The following NRXN1 variants were observed in gnomAD, a reference collection of about 807,000 sequenced individuals.
NRXN1 encodes the protein neurexin 1, also known as neurexin-1.
Under a neutral mutation model 150.9 loss-of-function variants are expected in NRXN1, and 39 were observed. The observed-to-expected ratio is 0.26, with a 90% CI of 0.20 to 0.34. The LOEUF is 0.34. Among genes scored for constraint, NRXN1 ranks in the 10% least tolerant of loss-of-function variants. The pLI is 1.00. For missense variants in NRXN1, 1,815 were observed against 1,949.9 expected (o/e 0.93, Z 1.30); for synonymous variants, 924 against 757.0 (o/e 1.22, Z -3.62).
At chr2:50,296,518 C>CTAT (rs70946899) in intron 17 of NRXN1, among the ~76,000 whole-genome samples, 13 of 147,954 alleles carry the variant, frequency 8.8e-5, no homozygotes, top group African/African-American at 2.0e-4. Context: ...TGCTTAGCTT[C>CTAT]TATTATTATT....
chr2:50,969,779 A>G (rs1694722887), intron 2 of NRXN1, among the ~76,000 whole-genome samples: 1 of 152,190 alleles, frequency 6.6e-6, no homozygotes, highest in Non-Finnish European at 1.5e-5. Flanking sequence ...GAACCTCAGA[A>G]GGTTTGCTGA....
intron 17 of NRXN1, among the ~76,000 whole-genome samples, chr2:50,378,325 C>A (rs1488531546): frequency 1.3e-5 from 2 of 152,126 alleles, no homozygotes; most frequent in African/African-American, 4.8e-5. Context: ...ATGGGGTTAT[C>A]TCCTGATAAA....
In NRXN1 at chr2:50,489,862, T is replaced by C. The variant is rs149320113; in HGVS notation, c.3070+6043A>G. Reference sequence around the variant, plus strand: ...CAGAGGGAAGAACTCCCAAACCAAATGTTGGATAGCAGGTCCCAGATAACT... The same window carrying C: ...CAGAGGGAAGAACTCCCAAACCAAACGTTGGATAGCAGGTCCCAGATAACT... On this transcript the variant is annotated intron_variant, in intron 15 of 22. Transcript: ENST00000401669. Among the ~76,000 whole-genome samples, 509 of 147,102 alleles carry C rather than the reference T, an allele frequency of 3.5e-3. 1 individual carries two copies. The highest frequency in any genetic ancestry group is 0.013 in the African/African-American group (492 of 36,700).
At chr2:50,391,421 T>C (rs889524878) in intron 17 of NRXN1, among the ~76,000 whole-genome samples, 4 of 152,152 alleles carry the variant, frequency 2.6e-5, no homozygotes, top group Non-Finnish European at 4.4e-5. Flanking sequence ...AACCTAATTA[T>C]AGTGCTTTAA....
intron 2 of NRXN1, among the ~76,000 whole-genome samples, chr2:50,969,445 T>A (rs536422282): frequency 1.3e-5 from 2 of 152,258 alleles, no homozygotes; most frequent in Middle Eastern, 3.4e-3. Context: ...ATAAACTCTC[T>A]TGATGAATTT....
At chr2:50,043,448 C>T (rs968057738) in intron 21 of NRXN1, among the ~76,000 whole-genome samples, 13 of 152,090 alleles carry the variant, frequency 8.5e-5, no homozygotes, top group Admixed American at 1.3e-4. Flanking sequence ...GGTAATGTCA[C>T]CACAGAATTT....
At chr2:50,892,009 A>G (rs895351757) in intron 5 of NRXN1, among the ~76,000 whole-genome samples, 1 of 152,154 alleles carries the variant, frequency 6.6e-6, no homozygotes, top group African/African-American at 2.4e-5. Flanking sequence ...ATCAGGATAC[A>G]CAAACTTACA....
intron 21 of NRXN1, chr2:50,023,348 T>A (rs903768573): frequency 6.6e-6 from 1 of 152,142 alleles, no homozygotes. Flanking sequence ...CTGTAAGATA[T>A]AAAGAAACAC....
At chr2:50,007,993 T>C (rs1685050784) in intron 21 of NRXN1, among the ~76,000 whole-genome samples, 1 of 152,178 alleles carries the variant, frequency 6.6e-6, no homozygotes. Flanking sequence ...CCTGGCTTTG[T>C]TATGAAATTT....
At chr2:50,244,986 A>C (rs867044543) in intron 17 of NRXN1, among the ~76,000 whole-genome samples, 25 of 151,952 alleles carry the variant, frequency 1.6e-4, no homozygotes, top group African/African-American at 5.3e-4. Context: ...AAGTCATGTA[A>C]ATAGTTGAGT....
intron 18 of NRXN1, among the ~76,000 whole-genome samples, chr2:50,131,594 G>A (rs183214675): frequency 4.6e-5 from 7 of 152,260 alleles, no homozygotes; most frequent in East Asian, 1.9e-4. Flanking sequence ...TTCAATATAC[G>A]AAGAAATGCT....
chr2:50,700,054 TA>T (rs1372239353), intron 5 of NRXN1, among the ~76,000 whole-genome samples: 17 of 152,182 alleles, frequency 1.1e-4, no homozygotes, highest in Non-Finnish European at 4.4e-5. Context: ...TAATAGTCTT[TA>T]AAAAAAATTG....
chr2:50,689,279 C>A (rs145921739), intron 5 of NRXN1, among the ~76,000 whole-genome samples: 1 of 152,188 alleles, frequency 6.6e-6, no homozygotes, highest in Admixed American at 6.6e-5. Context: ...ACTAAAATTA[C>A]AGGCTTGAAA....
chr2:49,950,614 C>T (rs1244344780), intron 21 of NRXN1, among the ~76,000 whole-genome samples: 1 of 151,952 alleles, frequency 6.6e-6, no homozygotes, highest in Admixed American at 6.6e-5. Context: ...CTCTTTAATA[C>T]AAATAACAAT....
At chr2:50,706,045 A>G (rs962457910) in intron 5 of NRXN1, among the ~76,000 whole-genome samples, 3 of 152,166 alleles carry the variant, frequency 2.0e-5, no homozygotes, top group African/African-American at 4.8e-5. Context: ...AAACTCTGCC[A>G]TGGATCCCCG....
chr2:50,768,276 TAA>T (rs1208024663), intron 5 of NRXN1, among the ~76,000 whole-genome samples: 2 of 152,002 alleles, frequency 1.3e-5, no homozygotes, highest in African/African-American at 4.8e-5. Flanking sequence ...AAGTTAGGGA[TAA>T]AGAGACACAC....
At chr2:50,851,256 T>C (rs1464376982) in intron 5 of NRXN1, among the ~76,000 whole-genome samples, 4 of 151,920 alleles carry the variant, frequency 2.6e-5, no homozygotes, top group Admixed American at 2.6e-4. Context: ...GGGGTGAGGG[T>C]GACGGGATAA....
intron 5 of NRXN1, among the ~76,000 whole-genome samples, chr2:50,819,383 C>G (rs534160244): frequency 6.6e-6 from 1 of 152,244 alleles, no homozygotes; most frequent in East Asian, 1.9e-4. Flanking sequence ...TATGCTACAA[C>G]ATAAACCTTG....
intron 21 of NRXN1, among the ~76,000 whole-genome samples, chr2:50,007,348 A>T (rs2152540796): frequency 6.6e-6 from 1 of 152,032 alleles, no homozygotes; most frequent in Admixed American, 6.5e-5. Context: ...CCTATCTCTG[A>T]CAAAATGTGG....
Sources: allele counts gnomAD v4.1 joint callset (sites outside exome capture counted in the v4.1 genomes callset), GRCh38; gene constraint gnomAD v4.1.1; transcripts MANE v1.5; gene names NCBI Gene and HGNC (gene_info 2026-07-23, HGNC 2026-07-21).